The following TRIM55 variants were observed in gnomAD, a reference collection of about 807,000 sequenced individuals.
TRIM55 encodes the protein tripartite motif-containing protein 55.
In TRIM55, 50 loss-of-function variants were observed where a neutral mutation model predicts 60.9. The ratio of observed to expected loss-of-function variants is 0.82; its 90% CI spans 0.65 to 1.04. The LOEUF is 1.04. Among genes scored for constraint, TRIM55 ranks in the 50% least tolerant of loss-of-function variants. The pLI is 0.00. For missense variants in TRIM55, 681 were observed against 666.9 expected (o/e 1.02, Z -0.23); for synonymous variants, 237 against 238.1 (o/e 1.00, Z 0.04).
intron 9 of TRIM55, among the ~76,000 whole-genome samples, chr8:66,156,263 G>T (rs150300563): frequency 2.2e-4 from 34 of 152,268 alleles, no homozygotes; most frequent in African/African-American, 6.7e-4. Context: ...GTTTCTCCTG[G>T]GAGAGGAGGT....
intron 4 of TRIM55, among the ~76,000 whole-genome samples, chr8:66,147,813 A>AAAAAACAC (rs1554528462): frequency 1.4e-5 from 2 of 144,480 alleles, no homozygotes; most frequent in African/African-American, 5.4e-5. Flanking sequence ...AAAAAAAAAA[A>AAAAAACAC]AAAACCACAA....
intron 4 of TRIM55, among the ~76,000 whole-genome samples, chr8:66,137,941 A>T (rs1809580986): frequency 6.6e-6 from 1 of 152,186 alleles, no homozygotes; most frequent in African/African-American, 2.4e-5. Flanking sequence ...GCTATGTGGC[A>T]GATATCTTTT....
rs1586275699 is a variant in TRIM55 at position 66,174,761 on chromosome 8, G to A, written c.*168G>A. The A allele has an allele frequency of 1.8e-6, 1 of 544,264 alleles. No individual in the cohort carries two copies. Among genetic ancestry groups the A allele is most frequent in the East Asian group, 4.6e-5 (1 of 21,858 alleles). 33.7% of individuals were successfully genotyped at this position (544,264 alleles called of 1,614,324 possible). ...CCATATGACTTATCTAACATCTTGG[G>A]GGGAAAGAATATTTTGAGAAAATAG... On this transcript the variant is annotated 3_prime_UTR_variant, in exon 10 of 10. Transcript: ENST00000315962.
chr8:66,142,246 T>C (rs1809859479), intron 4 of TRIM55, among the ~76,000 whole-genome samples: 1 of 152,222 alleles, frequency 6.6e-6, no homozygotes, highest in Non-Finnish European at 1.5e-5. Flanking sequence ...TTCTGGAGCA[T>C]CTTTTAAATG....
chr8:66,132,933 C>T (rs568225029), intron 2 of TRIM55, among the ~76,000 whole-genome samples: 45 of 152,294 alleles, frequency 3.0e-4, no homozygotes, highest in African/African-American at 1.0e-3. Context: ...TTCACATTTT[C>T]AATATTTGCA....
chr8:66,133,412 A>T (rs980915182), intron 2 of TRIM55, among the ~76,000 whole-genome samples: 3 of 151,614 alleles, frequency 2.0e-5, no homozygotes. Flanking sequence ...AAAAAAAAAG[A>T]CTCATCATGG....
At chr8:66,161,648 A>G (rs540722894) in intron 9 of TRIM55, among the ~76,000 whole-genome samples, 211 of 151,938 alleles carry the variant, frequency 1.4e-3, no homozygotes, top group Non-Finnish European at 2.2e-3. Context: ...ATCCATGAGC[A>G]TGGGATGTGT....
intron 2 of TRIM55, among the ~76,000 whole-genome samples, chr8:66,130,565 G>A (rs535475459): frequency 6.6e-6 from 1 of 151,594 alleles, no homozygotes; most frequent in South Asian, 2.1e-4. Context: ...AGGGGGTCGG[G>A]GGGGGTGACC....
chr8:66,131,018 G>A (rs1002958622), intron 2 of TRIM55, among the ~76,000 whole-genome samples: 2 of 152,060 alleles, frequency 1.3e-5, no homozygotes, highest in African/African-American at 4.8e-5. Flanking sequence ...ACAGTTGGGA[G>A]TGGGAGATGG....
Position 66,128,555 on chromosome 8 carries a change from C to T in TRIM55, c.341+79C>T, listed in dbSNP as rs1007027211. The T allele has an allele frequency of 3.5e-6, 5 of 1,444,170 alleles. No individual in the cohort carries two copies. The African/African-American group carries it at 7.1e-5, about 21-fold the overall frequency. The allele number at this position is 1,444,170 out of a possible 1,614,324, so 89.5% of individuals were successfully genotyped here. On this transcript the variant is annotated intron_variant, in intron 2 of 9. Transcript: ENST00000315962. Reference sequence around the variant, plus strand: ...TTGTTTGTTTTAATGGGTTGCTACGCTGAATGCTTGTTTATCAATCACAGA... The same window carrying T: ...TTGTTTGTTTTAATGGGTTGCTACGTTGAATGCTTGTTTATCAATCACAGA...
rs181661350 is a variant in TRIM55, at chr8:66,144,451, C to T, written c.604-5194C>T. On this transcript the variant is annotated intron_variant, in intron 4 of 9. Coordinates refer to ENST00000315962, the MANE Select transcript of TRIM55 (RefSeq NM_184085.2). ...CAAGAAATATAACTGTCCTAGCAGA[C>T]CCAGGAGGAAGGCTGTGCAGCAGCC... is the stretch of plus-strand genomic sequence containing the variant. 2.8e-4 allele frequency among the ~76,000 whole-genome samples: 43 copies of T among 152,300 alleles called. No homozygotes were observed. The East Asian group carries it at 8.1e-3, about 29-fold the overall frequency.
chr8:66,115,476 C>T, the TRIM55 span, among the ~76,000 whole-genome samples: 7 of 152,088 alleles, frequency 4.6e-5, no homozygotes, highest in Non-Finnish European at 1.0e-4. Context: ...GAGGAACTGG[C>T]AGTGAAACTT....
chr8:66,113,850 G>C, the TRIM55 span, among the ~76,000 whole-genome samples: 3 of 152,212 alleles, frequency 2.0e-5, no homozygotes, highest in Admixed American at 2.0e-4. Flanking sequence ...TGAGGAGGTG[G>C]GGGGTCCGCG....
the TRIM55 span, among the ~76,000 whole-genome samples, chr8:66,117,118 G>C: frequency 6.6e-6 from 1 of 152,170 alleles, no homozygotes; most frequent in African/African-American, 2.4e-5. Context: ...AAAACTGTCA[G>C]CAAATTTGGA....
intron 7 of TRIM55, among the ~76,000 whole-genome samples, chr8:66,152,019 A>G (rs1810457398): frequency 6.6e-6 from 1 of 152,188 alleles, no homozygotes; most frequent in African/African-American, 2.4e-5. Context: ...CTTCCATTTA[A>G]TCTGACAGAG....
chr8:66,127,517 T>G, intron 1 of TRIM55, 81 bp downstream of exon 1: 2 of 1,516,158 alleles, frequency 1.3e-6, no homozygotes, highest in South Asian at 1.2e-5. Context: ...AACATTGAGG[T>G]GAAATCCTTT....
intron 5 of TRIM55, 101 bp downstream of exon 5, chr8:66,149,979 AT>A: frequency 9.4e-7 from 1 of 1,064,048 alleles, no homozygotes; most frequent in Non-Finnish European, 1.4e-6. Flanking sequence ...GTTTTTATTT[AT>A]TTTACCAACT....
chr8:66,125,083 C>T (rs1808768316), upstream of TRIM55, among the ~76,000 whole-genome samples: 1 of 152,244 alleles, frequency 6.6e-6, no homozygotes, highest in Non-Finnish European at 1.5e-5. Context: ...TGCCTCTTAT[C>T]TACCCACAAC....
At chr8:66,158,635 T>C (rs1810880348) in intron 9 of TRIM55, among the ~76,000 whole-genome samples, 1 of 152,262 alleles carries the variant, frequency 6.6e-6, no homozygotes, top group Admixed American at 6.5e-5. Flanking sequence ...AGGAATTTTA[T>C]AATTGGTTTC....
Sources: gnomAD v4.1 joint callset for allele counts (sites outside exome capture counted in the v4.1 genomes callset) on GRCh38, gnomAD v4.1.1 for gene constraint, MANE v1.5 for transcripts, NCBI Gene and HGNC (gene_info 2026-07-23, HGNC 2026-07-21) for gene names.